Variants in TMEM132E observed in about 807,000 individuals in gnomAD.
TMEM132E encodes transmembrane protein 132E.
A neutral mutation model predicts 78.5 loss-of-function variants in TMEM132E; 49 were observed. The observed-to-expected ratio is 0.62, with a 90% CI of 0.50 to 0.79. The LOEUF is 0.79. Among genes scored for constraint, TMEM132E ranks in the 30% least tolerant of loss-of-function variants. The probability of loss-of-function intolerance (pLI) is 0.00; values close to 1 mark genes in which losing one functional copy is unlikely to be tolerated. For missense variants in TMEM132E, 1,403 were observed against 1,470.9 expected (o/e 0.95, Z 0.75); for synonymous variants, 715 against 670.6 (o/e 1.07, Z -1.02).
At chr17:34,586,273 T>A (rs1905674492) in intron 1 of TMEM132E, among the ~76,000 whole-genome samples, 1 of 142,666 alleles carries the variant, frequency 7.0e-6, no homozygotes, top group Non-Finnish European at 1.5e-5. Context: ...AAGAGATTAA[T>A]GAACCAGTTG....
chr17:34,601,260 G>A (rs755917842), intron 1 of TMEM132E, among the ~76,000 whole-genome samples: 1 of 152,194 alleles, frequency 6.6e-6, no homozygotes. Context: ...TGAGCCTCTG[G>A]AAAGCCCAGG....
At chr17:34,627,190 T>C (rs1373613741) in intron 2 of TMEM132E, 133 bp downstream of exon 2, 6 of 1,019,906 alleles carry the variant, frequency 5.9e-6, no homozygotes, top group Non-Finnish European at 8.6e-6. Flanking sequence ...CCCGGATCTG[T>C]CACTTAGCAC....
intron 1 of TMEM132E, 137 bp downstream of exon 1, chr17:34,581,280 G>C (rs1186290682): frequency 6.0e-6 from 5 of 835,992 alleles, no homozygotes; most frequent in Non-Finnish European, 8.4e-6. Flanking sequence ...TCTGGCTGCA[G>C]CTCGAGTTAC....
At chr17:34,628,925 G>A in intron 3 of TMEM132E, 87 bp from the exon 4 acceptor site, 1 of 1,468,484 alleles carries the variant, frequency 6.8e-7, no homozygotes, top group Non-Finnish European at 9.1e-7. Flanking sequence ...GCCGGGGAGG[G>A]GTGGGGTCCC....
At position 34,634,792 on chromosome 17, in the gene TMEM132E, AC is replaced by A; in HGVS notation, c.1689-3del. ...GAAGCCTTCAGCATGGCATGTCCCC[AC>A]CCCAGGTCAGTCCGGGAAAGCGAGG... On this transcript the variant is annotated splice_region_variant and splice_polypyrimidine_tract_variant and intron_variant, in intron 6 of 8. Coordinates refer to ENST00000631683, the MANE Select transcript of TMEM132E (RefSeq NM_001304438.2). 1 of 1,608,936 alleles carries A rather than the reference AC, an allele frequency of 6.2e-7. No individual in the cohort carries two copies. Among genetic ancestry groups the A allele is most frequent in the Admixed American group, 1.7e-5 (1 of 59,316 alleles).
At chr17:34,595,420 C>T (rs1906022295) in intron 1 of TMEM132E, among the ~76,000 whole-genome samples, 1 of 152,174 alleles carries the variant, frequency 6.6e-6, no homozygotes, top group South Asian at 2.1e-4. Context: ...ATTATTGGTA[C>T]CAGCCAATGG....
intron 6 of TMEM132E, among the ~76,000 whole-genome samples, chr17:34,633,568 CA>C (rs1907419087): frequency 6.6e-6 from 1 of 152,200 alleles, no homozygotes; most frequent in African/African-American, 2.4e-5. Context: ...GAGAGAAAAG[CA>C]CAGCAGGGAA....
chr17:34,598,519 C>G (rs1221498516), intron 1 of TMEM132E, among the ~76,000 whole-genome samples: 1 of 152,152 alleles, frequency 6.6e-6, no homozygotes. Context: ...ATGCAGGCCC[C>G]AGGGAAGCTC....
chr17:34,593,446 C>T lies in TMEM132E; in HGVS notation c.67+12303C>T, dbSNP rs546780424. The stretch of plus-strand genomic sequence containing the variant: ...CCACATGTGGTGAGTGGCCACCCAA[C>T]AGGACAGTACAGGGCTGGATGCTGC... On this transcript the variant is annotated intron_variant, in intron 1 of 8. Coordinates refer to ENST00000631683, the MANE Select transcript of TMEM132E (RefSeq NM_001304438.2). Among the ~76,000 whole-genome samples the T allele has an allele frequency of 3.0e-4, 45 of 152,352 alleles. No individual in the cohort carries two copies. In the East Asian group the frequency reaches 4.4e-3, roughly 15 times the overall value.
chr17:34,586,352 A>T (rs9902488), intron 1 of TMEM132E, among the ~76,000 whole-genome samples: 5,277 of 152,088 alleles, frequency 0.035, 188 homozygotes, highest in East Asian at 0.19. Flanking sequence ...GTCTTCTTAA[A>T]TGAAAAGAAA....
intron 6 of TMEM132E, among the ~76,000 whole-genome samples, chr17:34,633,749 A>G (rs566053524): frequency 6.6e-6 from 1 of 152,342 alleles, no homozygotes; most frequent in African/African-American, 2.4e-5. Context: ...TTTAATGTGT[A>G]CACGAATCAC....
At chr17:34,620,746 G>A (rs998208544) in intron 1 of TMEM132E, among the ~76,000 whole-genome samples, 2 of 152,260 alleles carry the variant, frequency 1.3e-5, no homozygotes, top group African/African-American at 4.8e-5. Flanking sequence ...GAGAGGAGGA[G>A]GGGTTGAATG....
chr17:34,613,211 A>ACACG lies in TMEM132E; in HGVS notation c.68-12915_68-12914insACGC. ...CACACACACACCCACACACACACAC[A>ACACG]CGCGCGCGCGCGCGCGTTCTTACAT... is the stretch of plus-strand genomic sequence containing the variant. On this transcript the variant is annotated intron_variant, in intron 1 of 8. Coordinates refer to ENST00000631683, the MANE Select transcript of TMEM132E (RefSeq NM_001304438.2). Among the ~76,000 whole-genome samples the ACACG allele has an allele frequency of 6.9e-4, 80 of 115,968 alleles. 1 individual carries two copies. The highest frequency in any genetic ancestry group is 2.3e-3 in the East Asian group (7 of 3,000). The allele number at this position is 115,968 out of a possible 152,430, so 76.1% of individuals were successfully genotyped here. A position where few individuals can be genotyped will look rare whatever the true frequency, so the allele number is the denominator to read the frequency against.
intron 1 of TMEM132E, among the ~76,000 whole-genome samples, chr17:34,610,254 T>C (rs1906544119): frequency 6.6e-6 from 1 of 152,220 alleles, no homozygotes; most frequent in Non-Finnish European, 1.5e-5. Context: ...CTATCTTCTT[T>C]ATCTCTGTCT....
In TMEM132E at chr17:34,626,499, A is replaced by T. The variant is rs756692115; in HGVS notation, c.440A>T (p.Tyr147Phe). The T allele has an allele frequency of 1.9e-6, 3 of 1,610,848 alleles. No homozygotes were observed. The highest frequency in any genetic ancestry group is 2.5e-6 in the Non-Finnish European group (3 of 1,179,536). The change falls in exon 2 of 9, where the codon TAC (tyrosine) becomes TTC (phenylalanine). Residue 147 changes from tyrosine (Y) to phenylalanine (F), a missense_variant. By Grantham distance (22) the Tyr-to-Phe change is conservative. Around this residue, in one of 3 missense-constraint regions of TMEM132E, gnomAD observed 511 missense variants for 499.0 expected, o/e 1.02. Coordinates refer to ENST00000631683, the MANE Select transcript of TMEM132E (RefSeq NM_001304438.2). ...CAGCCCGTGGTCCAGGTGCTGTTCT[A>T]CGTAGCCGGCCGGGACTGGGACGAC... ...ASQPVVQVLF[Y>F]VAGRDWDDFG...
chr17:34,612,694 G>C (rs1705791729), intron 1 of TMEM132E, among the ~76,000 whole-genome samples: 1 of 152,084 alleles, frequency 6.6e-6, no homozygotes, highest in Non-Finnish European at 1.5e-5. Flanking sequence ...CTCCAGCTCA[G>C]GTCTGGGATC....
chr17:34,626,465 C>A lies in TMEM132E; in HGVS notation c.406C>A (p.Pro136Thr), dbSNP rs763854856. The stretch of plus-strand genomic sequence containing the variant: ...GGCCTTCATCGTCCGCTCGCACGTG[C>A]CCGCCTCGCAGCCCGTGGTCCAGGT... ...VRAFIVRSHV[P>T]ASQPVVQVLF... is the part of the protein sequence containing the mutation. The change falls in exon 2 of 9, where the codon CCC (proline) becomes ACC (threonine). Residue 136 changes from proline (P) to threonine (T), a missense_variant. Pro to Thr is a conservative substitution (Grantham distance 38). Coordinates refer to ENST00000631683, the MANE Select transcript of TMEM132E (RefSeq NM_001304438.2). 3 of 1,612,992 alleles carry A rather than the reference C, an allele frequency of 1.9e-6. No individual in the cohort carries two copies. The highest frequency in any genetic ancestry group is 4.5e-5 in the East Asian group (2 of 44,876).
intron 1 of TMEM132E, among the ~76,000 whole-genome samples, chr17:34,608,916 T>C (rs1006523762): frequency 3.3e-5 from 5 of 152,150 alleles, no homozygotes; most frequent in African/African-American, 1.2e-4. Flanking sequence ...GGCCCCTGTT[T>C]CCCATCTAGC....
chr17:34,589,768 G>C (rs963908788), intron 1 of TMEM132E, among the ~76,000 whole-genome samples: 2 of 152,122 alleles, frequency 1.3e-5, no homozygotes, highest in Non-Finnish European at 2.9e-5. Context: ...ACCGCATGAC[G>C]GCTGCAGCCC....
Sources: allele counts gnomAD v4.1 joint callset (sites outside exome capture counted in the v4.1 genomes callset), GRCh38; gene constraint gnomAD v4.1.1; regional missense constraint gnomAD v4.1.1; transcripts MANE v1.5; gene names NCBI Gene and HGNC (gene_info 2026-07-23, HGNC 2026-07-21).